Variants in DNAH14 observed in about 807,000 individuals in gnomAD.
DNAH14 encodes axonemal beta dynein heavy chain 14.
DNAH14 carries 478 observed loss-of-function variants against 520.9 expected under a neutral mutation model. The ratio of observed to expected loss-of-function variants is 0.92; its 90% CI spans 0.85 to 0.99. The LOEUF (loss-of-function observed/expected upper bound fraction) is 0.99. DNAH14 is among the 50% of genes least tolerant of loss of function. DNAH14 has a pLI of 0.00. For missense variants in DNAH14, 4,831 were observed against 5,234.5 expected (o/e 0.92, Z 2.38); for synonymous variants, 1,581 against 1,757.2 (o/e 0.90, Z 2.51).
At chr1:225,081,493 T>C (rs956906560) in intron 19 of DNAH14, among the ~76,000 whole-genome samples, 2 of 152,216 alleles carry the variant, frequency 1.3e-5, no homozygotes, top group Non-Finnish European at 2.9e-5. Context: ...ATATACGTGC[T>C]TCGGAGAACA....
chr1:225,034,906 G>T (rs543229171), intron 11 of DNAH14, among the ~76,000 whole-genome samples: 1 of 151,890 alleles, frequency 6.6e-6, no homozygotes, highest in African/African-American at 2.4e-5. Context: ...ATTTCTATGG[G>T]GTCAGTAGTA....
rs1215284717 is a variant in DNAH14 at position 225,115,340 on chromosome 1, CAG to C, written c.3868-2342_3868-2341del. 5.9e-5 allele frequency among the ~76,000 whole-genome samples: 9 copies of C among 152,180 alleles called. No individual in the cohort carries two copies. In the East Asian group the frequency reaches 1.5e-3, roughly 26 times the overall value. Reference sequence around the variant, plus strand: ...TTGATAAATTCTGCAAAAGTTGAAACAGAATGTTTTTATGAGTCTATAAATTA... The same window carrying C: ...TTGATAAATTCTGCAAAAGTTGAAACAATGTTTTTATGAGTCTATAAATTA... On this transcript the variant is annotated intron_variant, in intron 23 of 85. Coordinates refer to ENST00000682510, the MANE Select transcript of DNAH14 (RefSeq NM_001367479.1).
In DNAH14 at chr1:224,968,322, ACTC is replaced by A. The variant is rs72006817; in HGVS notation, c.652-434_652-432del. On this transcript the variant is annotated intron_variant, in intron 6 of 85. Transcript: ENST00000682510. ...AGGGGCACTCATGGGAAGAGAGAGA[ACTC>A]CTTGATGAAGGGCATGTAGTTTTTG... 5.0e-3 allele frequency among the ~76,000 whole-genome samples: 766 copies of A among 151,738 alleles called. 6 individuals carry two copies. Among genetic ancestry groups the A allele is most frequent in the African/African-American group, 0.018 (723 of 41,188 alleles).
chr1:225,314,524 C>T (rs1186893513), intron 60 of DNAH14, among the ~76,000 whole-genome samples: 2 of 152,200 alleles, frequency 1.3e-5, no homozygotes, highest in African/African-American at 4.8e-5. Flanking sequence ...GCAGTTTCTT[C>T]ATAGTGTTAA....
intron 7 of DNAH14, among the ~76,000 whole-genome samples, chr1:224,971,565 T>C (rs959166558): frequency 6.6e-6 from 1 of 152,196 alleles, no homozygotes; most frequent in African/African-American, 2.4e-5. Context: ...CAGATAGTGA[T>C]GAGGCCTAGA....
chr1:225,085,711 T>C lies in DNAH14; in HGVS notation c.3495T>C (p.Asp1165=). 1 of 1,551,502 alleles carries C rather than the reference T, an allele frequency of 6.4e-7. No individual in the cohort carries two copies. Among genetic ancestry groups the C allele is most frequent in the Non-Finnish European group, 8.7e-7 (1 of 1,146,808 alleles). ...CTATCTTCATAATTCCATCTATAGA[T>C]GACATATCAGCTCAGTTAGAAGAGT... ...IYSIFIIPSI[D]DISAQLEESQ... is the part of the protein sequence containing the mutation. Residue 1165 remains aspartate (D), a synonymous_variant, in exon 21 of 86, where the codon GAT becomes GAC. Coordinates refer to ENST00000682510, the MANE Select transcript of DNAH14 (RefSeq NM_001367479.1).
intron 8 of DNAH14, among the ~76,000 whole-genome samples, chr1:224,984,504 C>T (rs539729032): frequency 8.5e-5 from 13 of 152,156 alleles, no homozygotes; most frequent in South Asian, 4.2e-4. Context: ...TGACCAAAAA[C>T]GCAAAAACAA....
chr1:225,007,778 C>A (rs1447613574), intron 10 of DNAH14, among the ~76,000 whole-genome samples: 1 of 151,696 alleles, frequency 6.6e-6, no homozygotes, highest in African/African-American at 2.4e-5. Context: ...ATGTGTATAT[C>A]TATATACAAC....
At chr1:225,217,025 G>A (rs1307470016) in intron 41 of DNAH14, among the ~76,000 whole-genome samples, 6 of 152,088 alleles carry the variant, frequency 3.9e-5, no homozygotes, top group Non-Finnish European at 8.8e-5. Context: ...TTCTCCCCTC[G>A]TTTGTGGTTT....
intron 41 of DNAH14, among the ~76,000 whole-genome samples, chr1:225,222,722 G>A (rs550490330): frequency 4.6e-5 from 7 of 152,182 alleles, no homozygotes; most frequent in African/African-American, 1.4e-4. Context: ...GCCCCCACCC[G>A]ACCCAGAAAT....
chr1:224,994,793 C>A (rs950537484), intron 8 of DNAH14, among the ~76,000 whole-genome samples: 2 of 151,894 alleles, frequency 1.3e-5, no homozygotes, highest in Admixed American at 6.6e-5. Flanking sequence ...TCTGTAGTGG[C>A]ATGCTTTGAA....
Position 225,259,181 on chromosome 1 carries a change from C to A in DNAH14, c.7085C>A (p.Pro2362Gln). 5 of 1,545,844 alleles carry A rather than the reference C, an allele frequency of 3.2e-6. No individual in the cohort carries two copies. The highest frequency in any genetic ancestry group is 4.4e-6 in the Non-Finnish European group (5 of 1,144,830). ...INQMLEKLEG[P>Q]GAFDIKHGSI... ...CAAATGCTTGAAAAGCTAGAGGGTC[C>A]AGGAGCATTTGACATAAAACATGGT... Residue 2362 changes from proline (P) to glutamine (Q), a missense_variant, in exon 46 of 86, where the codon CCA (proline) becomes CAA (glutamine). Physicochemically the swap from Pro to Gln is moderately conservative, Grantham distance 76. Transcript: ENST00000682510.
chr1:225,145,949 T>G (rs1573487635), intron 30 of DNAH14, among the ~76,000 whole-genome samples: 1 of 152,368 alleles, frequency 6.6e-6, no homozygotes, highest in East Asian at 1.9e-4. Context: ...ATTCTACATT[T>G]TATTGTTGTC....
chr1:225,207,217 C>A lies in DNAH14; in HGVS notation c.6436C>A (p.Gln2146Lys), dbSNP rs1178793155. The A allele has an allele frequency of 6.6e-7, 1 of 1,512,484 alleles. No homozygotes were observed. Among genetic ancestry groups the A allele is most frequent in the South Asian group, 1.3e-5 (1 of 78,432 alleles). 93.7% of individuals were successfully genotyped at this position (1,512,484 alleles called of 1,614,324 possible). The change falls in exon 41 of 86, where the codon CAA becomes AAA. Residue 2146 changes from glutamine to lysine, a missense_variant. Coordinates refer to ENST00000682510, the MANE Select transcript of DNAH14 (RefSeq NM_001367479.1). Reference protein sequence around the residue: ...DFMGKNGGFEQSDDLNDTSSK... With the variant: ...DFMGKNGGFEKSDDLNDTSSK... ...CATGGGTAAAAATGGAGGATTTGAA[C>A]AAAGTGAGTTTTTTTCTCTAAGTCA...
intron 36 of DNAH14, among the ~76,000 whole-genome samples, chr1:225,176,992 T>A (rs2083407052): frequency 6.6e-6 from 1 of 151,856 alleles, no homozygotes; most frequent in South Asian, 2.1e-4. Context: ...GTTGGAACAG[T>A]TTGGAGGGCT....
At position 225,259,103 on chromosome 1, in the gene DNAH14, G is replaced by C. The variant is rs183102697; in HGVS notation, c.7025-18G>C. The stretch of plus-strand genomic sequence containing the variant: ...TTTTCTTGCATATACATCTAACCTT[G>C]TGTATTTTTTCCCTTAGGAGAATCT... On this transcript the variant is annotated intron_variant, in intron 45 of 85. Transcript: ENST00000682510. The C allele has an allele frequency of 2.0e-4, 305 of 1,536,026 alleles. No individual in the cohort carries two copies. In the East Asian group the frequency reaches 6.9e-3, roughly 35 times the overall value.
intron 8 of DNAH14, among the ~76,000 whole-genome samples, chr1:224,997,883 A>G (rs1336519367): frequency 6.6e-6 from 1 of 152,112 alleles, no homozygotes; most frequent in African/African-American, 2.4e-5. Flanking sequence ...GCAAGGACAA[A>G]AAACCAAACA....
At chr1:225,152,122 T>C in intron 32 of DNAH14, 49 bp downstream of exon 32, 3 of 1,464,300 alleles carry the variant, frequency 2.0e-6, no homozygotes, top group Non-Finnish European at 2.8e-6. Flanking sequence ...AAAATCATTT[T>C]CTTAAATCTT....
intron 55 of DNAH14, among the ~76,000 whole-genome samples, chr1:225,294,672 A>C (rs1314286732): frequency 6.6e-6 from 1 of 152,044 alleles, no homozygotes; most frequent in Non-Finnish European, 1.5e-5. Flanking sequence ...AGTACAAAAA[A>C]AATTAGCCTG....
Sources: allele counts gnomAD v4.1 joint callset (sites outside exome capture counted in the v4.1 genomes callset), GRCh38; gene constraint gnomAD v4.1.1; transcripts MANE v1.5; gene names NCBI Gene and HGNC (gene_info 2026-07-23, HGNC 2026-07-21).